The following PKP4 variants were observed in gnomAD, a reference collection of about 807,000 sequenced individuals.
PKP4 encodes the protein plakophilin 4.
PKP4 carries 90 observed loss-of-function variants against 145.1 expected under a neutral mutation model. The ratio of observed to expected loss-of-function variants is 0.62; its 90% CI spans 0.52 to 0.74. The LOEUF (loss-of-function observed/expected upper bound fraction) is 0.74. PKP4 is among the 30% of genes least tolerant of loss of function. The pLI is 0.00. For synonymous variants in PKP4, 563 were observed against 577.2 expected (o/e 0.98, Z 0.35); for missense variants, 1,340 against 1,482.7 (o/e 0.90, Z 1.58).
chr2:158,663,094 C>T lies in PKP4; in HGVS notation c.2403+6C>T, dbSNP rs968284605. On this transcript the variant is annotated splice_donor_region_variant and intron_variant, in intron 14 of 21. Transcript: ENST00000389759. Reference sequence around the variant, plus strand: ...GGACTCCGCAAGAAGATCAAGTTAGCATTTTATTTTATATGAGACTCTCAA... The same window carrying T: ...GGACTCCGCAAGAAGATCAAGTTAGTATTTTATTTTATATGAGACTCTCAA... 1.9e-6 allele frequency: 3 copies of T among 1,590,286 alleles called. No homozygotes were observed. The highest frequency in any genetic ancestry group is 2.6e-6 in the Non-Finnish European group (3 of 1,169,690).
chr2:158,491,623 T>G (rs1353023805), intron 1 of PKP4, among the ~76,000 whole-genome samples: 1 of 152,028 alleles, frequency 6.6e-6, no homozygotes, highest in African/African-American at 2.4e-5. Context: ...GTTACAAAAG[T>G]CTTTAATATC....
At position 158,467,363 on chromosome 2, in the gene PKP4, G is replaced by A. The variant is rs146856550; in HGVS notation, c.-6+10145G>A. Among the ~76,000 whole-genome samples the A allele has an allele frequency of 6.2e-4, 94 of 152,002 alleles. 1 individual carries two copies. The East Asian group carries it at 0.014, about 22-fold the overall frequency. ...TACTCTCATCGCCTCCTAAATCTCT[G>A]GCAACCATTCATTTTTCATTACAAC... On this transcript the variant is annotated intron_variant, in intron 1 of 21. Transcript: ENST00000389759.
intron 11 of PKP4, among the ~76,000 whole-genome samples, chr2:158,646,412 C>G (rs753938096): frequency 3.3e-5 from 5 of 152,188 alleles, no homozygotes; most frequent in Admixed American, 1.3e-4. Context: ...CAAATGGCAG[C>G]TGTGTTTGAT....
In PKP4 at chr2:158,634,189, C is replaced by T. The variant is rs1574885318; in HGVS notation, c.1462C>T (p.Arg488Ter). Residue 488 changes from arginine to a stop codon, truncating the protein, a stop_gained, in exon 9 of 22, where the codon CGA becomes TGA. Coordinates refer to ENST00000389759, the MANE Select transcript of PKP4 (RefSeq NM_003628.6). LOFTEE classifies it high-confidence loss of function. ...YAEPYRPIQYRVQECNYNRLQ... is the reference protein window; with the variant it reads ...YAEPYRPIQY ...GGAGCCCTACAGGCCTATACAATAC[C>T]GAGTGCAAGAGTGCAATTATAACAG... 2 of 1,613,964 alleles carry T rather than the reference C, an allele frequency of 1.2e-6. No individual in the cohort carries two copies. Among genetic ancestry groups the T allele is most frequent in the Non-Finnish European group, 8.5e-7 (1 of 1,179,918 alleles).
At chr2:158,601,310 A>G (rs10197059) in intron 3 of PKP4, among the ~76,000 whole-genome samples, 13,308 of 152,246 alleles carry the variant, frequency 0.087, 758 homozygotes, top group Middle Eastern at 0.17. Context: ...AACTTGAGGT[A>G]TACTAAACAT....
intron 7 of PKP4, among the ~76,000 whole-genome samples, chr2:158,629,718 T>G (rs80089670): frequency 1.3e-4 from 1 of 7,742 alleles, no homozygotes; most frequent in Non-Finnish European, 2.2e-3. Context: ...GGGAGCAATC[T>G]TTTTTTTTTT....
chr2:158,462,590 T>C (rs1465204411), intron 1 of PKP4, among the ~76,000 whole-genome samples: 2 of 152,238 alleles, frequency 1.3e-5, no homozygotes, highest in Non-Finnish European at 2.9e-5. Flanking sequence ...AAAGTCTTGC[T>C]GTCTGCCTCT....
At chr2:158,667,407 G>C (rs2057198583) in intron 16 of PKP4, among the ~76,000 whole-genome samples, 2 of 152,178 alleles carry the variant, frequency 1.3e-5, no homozygotes, top group African/African-American at 4.8e-5. Flanking sequence ...GATGCCTGCT[G>C]TCCTAACTGG....
At chr2:158,598,869 C>G (rs542540603) in intron 3 of PKP4, among the ~76,000 whole-genome samples, 1 of 152,288 alleles carries the variant, frequency 6.6e-6, no homozygotes, top group Non-Finnish European at 1.5e-5. Flanking sequence ...TATATGGTAC[C>G]TGCATGTGCC....
At chr2:158,555,100 A>G (rs2045977654) in intron 2 of PKP4, among the ~76,000 whole-genome samples, 2 of 152,236 alleles carry the variant, frequency 1.3e-5, no homozygotes, top group South Asian at 4.1e-4. Flanking sequence ...TTCTCCAGGT[A>G]GTTGAGGAAG....
intron 1 of PKP4, among the ~76,000 whole-genome samples, chr2:158,510,944 G>C (rs1358072749): frequency 6.6e-6 from 1 of 152,188 alleles, no homozygotes; most frequent in African/African-American, 2.4e-5. Context: ...CTACTTTTCT[G>C]TCACCATTCC....
At chr2:158,508,383 AAAAAAG>A (rs373638450) in intron 1 of PKP4, among the ~76,000 whole-genome samples, 6,726 of 37,276 alleles carry the variant, frequency 0.18, 216 homozygotes, top group African/African-American at 0.37. Context: ...AAAAAAAAAA[AAAAAAG>A]AAGAAGAAGA....
intron 2 of PKP4, among the ~76,000 whole-genome samples, chr2:158,571,271 A>G (rs1042200806): frequency 1.3e-5 from 2 of 152,248 alleles, no homozygotes; most frequent in African/African-American, 4.8e-5. Flanking sequence ...GCTTTTGCAC[A>G]TATTTGGAAG....
At chr2:158,522,525 C>T (rs1290730590) in intron 1 of PKP4, among the ~76,000 whole-genome samples, 2 of 152,146 alleles carry the variant, frequency 1.3e-5, no homozygotes, top group Non-Finnish European at 2.9e-5. Context: ...TGAAAATGCA[C>T]AGCTGTCCAT....
chr2:158,673,765 A>G lies in PKP4; in HGVS notation c.3009+4A>G. 3 of 1,591,874 alleles carry G rather than the reference A, an allele frequency of 1.9e-6. No individual in the cohort carries two copies. Among genetic ancestry groups the G allele is most frequent in the Non-Finnish European group, 2.6e-6 (3 of 1,159,652 alleles). On this transcript the variant is annotated splice_donor_region_variant and intron_variant, in intron 18 of 21. Transcript: ENST00000389759. The stretch of plus-strand genomic sequence containing the variant: ...CCTCCGGAGCATTTATAAAAAGGTA[A>G]CCTACAAGAATAGCTCTGGCATAAT...
At chr2:158,652,528 A>G (rs904765231) in intron 11 of PKP4, among the ~76,000 whole-genome samples, 1 of 152,188 alleles carries the variant, frequency 6.6e-6, no homozygotes, top group Non-Finnish European at 1.5e-5. Context: ...TGTTTGCTAG[A>G]TCCTGAGTGT....
chr2:158,535,059 T>C (rs1480869506), intron 2 of PKP4, among the ~76,000 whole-genome samples: 4 of 152,204 alleles, frequency 2.6e-5, no homozygotes, highest in Admixed American at 2.0e-4. Context: ...TTGTAAGTAC[T>C]TAGCATTTCA....
intron 13 of PKP4, among the ~76,000 whole-genome samples, chr2:158,662,011 C>T (rs116713020): frequency 2.6e-5 from 4 of 152,224 alleles, no homozygotes; most frequent in African/African-American, 7.2e-5. Context: ...TCAGCTGTGA[C>T]GACCATCCAG....
chr2:158,646,792 C>T (rs900113586), intron 11 of PKP4, among the ~76,000 whole-genome samples: 1 of 152,158 alleles, frequency 6.6e-6, no homozygotes, highest in African/African-American at 2.4e-5. Flanking sequence ...ATCTCCTGTA[C>T]AGTTTCCATA....
Sources: allele counts gnomAD v4.1 joint callset (sites outside exome capture counted in the v4.1 genomes callset), GRCh38; gene constraint gnomAD v4.1.1; transcripts MANE v1.5; gene names NCBI Gene and HGNC (gene_info 2026-07-23, HGNC 2026-07-21).